The following WDR49 variants were observed in gnomAD, a reference collection of about 807,000 sequenced individuals.
WDR49 encodes the protein WD repeat domain 49, also known as cilia- and flagella-associated protein 337.
Under a neutral mutation model 119.5 loss-of-function variants are expected in WDR49, and 107 were observed. The observed-to-expected ratio is 0.90, with a 90% CI of 0.77 to 1.05. The LOEUF is 1.05. Among genes scored for constraint, WDR49 ranks in the 50% least tolerant of loss-of-function variants. The pLI, the probability that WDR49 is intolerant of heterozygous loss-of-function variation, is 0.00. For synonymous variants in WDR49, 425 were observed against 418.8 expected (o/e 1.01, Z -0.18); for missense variants, 1,240 against 1,220.5 (o/e 1.02, Z -0.24).
chr3:167,595,380 T>C (rs906160539), intron 7 of WDR49, among the ~76,000 whole-genome samples: 2 of 152,148 alleles, frequency 1.3e-5, no homozygotes, highest in African/African-American at 2.4e-5. Flanking sequence ...TTAAAGTTCA[T>C]ATGGAACCAA....
chr3:167,571,064 G>T (rs989778854), intron 8 of WDR49, among the ~76,000 whole-genome samples: 3 of 151,754 alleles, frequency 2.0e-5, no homozygotes, highest in African/African-American at 7.3e-5. Flanking sequence ...TTGCTTGTCA[G>T]TGAATGTTGA....
chr3:167,602,700 AAAT>A (rs1339386742), intron 6 of WDR49, among the ~76,000 whole-genome samples: 1 of 152,198 alleles, frequency 6.6e-6, no homozygotes, highest in Non-Finnish European at 1.5e-5. Context: ...GAAAGTTCAT[AAAT>A]TAATTAAAAA....
intron 8 of WDR49, among the ~76,000 whole-genome samples, chr3:167,570,062 ACACAGC>A (rs1713843110): frequency 1.3e-5 from 2 of 152,040 alleles, no homozygotes; most frequent in Non-Finnish European, 2.9e-5. Flanking sequence ...TGACTACAGC[ACACAGC>A]CTCAGAACTG....
Position 167,553,019 on chromosome 3 carries a change from G to A in WDR49, c.1823+1631C>T, listed in dbSNP as rs76683631. 6.0e-3 allele frequency among the ~76,000 whole-genome samples: 914 copies of A among 152,000 alleles called. 9 individuals carry two copies. The highest frequency in any genetic ancestry group is 0.02 in the African/African-American group (832 of 41,510). On this transcript the variant is annotated intron_variant, in intron 10 of 18. Transcript: ENST00000682715. ...TAAACTATTAAGGAGTTGGCTTAAC[G>A]GTCCATCCTCCTGTAACTATAACTG... is the stretch of plus-strand genomic sequence containing the variant.
chr3:167,628,297 T>C (rs920556551), intron 2 of WDR49, among the ~76,000 whole-genome samples: 3 of 152,006 alleles, frequency 2.0e-5, no homozygotes, highest in African/African-American at 7.2e-5. Context: ...CTAAAAATGA[T>C]TAGGCTTAAT....
At chr3:167,571,012 G>C (rs945784270) in intron 8 of WDR49, among the ~76,000 whole-genome samples, 1 of 145,392 alleles carries the variant, frequency 6.9e-6, no homozygotes, top group Non-Finnish European at 1.5e-5. Flanking sequence ...GCGACAGAGA[G>C]AGACTCCATC....
intron 7 of WDR49, among the ~76,000 whole-genome samples, chr3:167,579,506 CCT>C (rs1302331979): frequency 2.0e-5 from 3 of 152,138 alleles, no homozygotes; most frequent in African/African-American, 7.2e-5. Flanking sequence ...AACTACCAGC[CCT>C]TATAACAAGC....
At chr3:167,496,574 G>A (rs1006216137) in intron 18 of WDR49, among the ~76,000 whole-genome samples, 1 of 151,958 alleles carries the variant, frequency 6.6e-6, no homozygotes, top group Non-Finnish European at 1.5e-5. Context: ...CCCATAGGAT[G>A]CAGTACTTAT....
At chr3:167,582,120 A>G (rs926825885) in intron 7 of WDR49, among the ~76,000 whole-genome samples, 3 of 151,632 alleles carry the variant, frequency 2.0e-5, no homozygotes, top group Non-Finnish European at 4.4e-5. Context: ...GCTCACCGGG[A>G]GCAATCCACA....
At chr3:167,572,867 T>C (rs142356833) in intron 8 of WDR49, among the ~76,000 whole-genome samples, 1 of 152,070 alleles carries the variant, frequency 6.6e-6, no homozygotes, top group South Asian at 2.1e-4. Context: ...GAAACTGCAA[T>C]GGCGAAGAAG....
Position 167,565,673 on chromosome 3 carries a change from C to T in WDR49, c.1510-5445G>A, listed in dbSNP as rs569181161. ...AACAAAGGAAACAGCAGTGCAAAGG[C>T]CCTGAGGCACAGTGTCCTTGGCACA... is the stretch of plus-strand genomic sequence containing the variant. On this transcript the variant is annotated intron_variant, in intron 8 of 18. Transcript: ENST00000682715. Among the ~76,000 whole-genome samples, 3 of 152,138 alleles carry T rather than the reference C, an allele frequency of 2.0e-5. No individual in the cohort carries two copies. The East Asian group carries it at 5.8e-4, about 29-fold the overall frequency.
intron 11 of WDR49, among the ~76,000 whole-genome samples, chr3:167,533,393 T>C (rs527434863): frequency 6.6e-6 from 1 of 152,238 alleles, no homozygotes; most frequent in Admixed American, 6.5e-5. Context: ...AGGGTTATTG[T>C]AGAGAATGAA....
At chr3:167,655,977 C>T (rs1413808729), upstream of WDR49, among the ~76,000 whole-genome samples, 2 of 152,102 alleles carry the variant, frequency 1.3e-5, no homozygotes, top group South Asian at 2.1e-4. Flanking sequence ...GACCTGGTGC[C>T]TGCCATAAGG....
At chr3:167,550,257 G>A in intron 10 of WDR49, among the ~76,000 whole-genome samples, 1 of 152,070 alleles carries the variant, frequency 6.6e-6, no homozygotes, top group Non-Finnish European at 1.5e-5. Context: ...TGCTGGGGAG[G>A]GCATTGAATC....
chr3:167,543,110 G>A (rs1039723573), intron 10 of WDR49, among the ~76,000 whole-genome samples: 1 of 151,620 alleles, frequency 6.6e-6, no homozygotes, highest in Non-Finnish European at 1.5e-5. Flanking sequence ...TAGAAACTCT[G>A]AACAGACCAA....
chr3:167,556,570 G>A (rs965399229), intron 9 of WDR49, among the ~76,000 whole-genome samples: 1 of 152,208 alleles, frequency 6.6e-6, no homozygotes, highest in Admixed American at 6.5e-5. Context: ...ATCATGCATA[G>A]AGGTCACATT....
chr3:167,522,434 A>C lies in WDR49; in HGVS notation c.2655T>G (p.Thr885=). 1 of 1,610,652 alleles carries C rather than the reference A, an allele frequency of 6.2e-7. No individual in the cohort carries two copies. Among genetic ancestry groups the C allele is most frequent in the Non-Finnish European group, 8.5e-7 (1 of 1,179,080 alleles). ...TTTGAATCTCACTTTCCACTAAATT[A>C]GTATCTCTTTTAGGAAGGAAAAGGC... ...ENCLFLPKRD[T]NLVESEIQKE... Residue 885 remains threonine, a synonymous_variant, in exon 16 of 19, where the codon ACT becomes ACG. Transcript: ENST00000682715.
chr3:167,639,547 T>G (rs1717782627), intron 2 of WDR49, among the ~76,000 whole-genome samples: 1 of 151,820 alleles, frequency 6.6e-6, no homozygotes. Flanking sequence ...GAGATTGGAA[T>G]GTATACTCCC....
At position 167,627,268 on chromosome 3, in the gene WDR49, A is replaced by C; in HGVS notation, c.190T>G (p.Cys64Gly). ...FESPQPRKII[C>G]MSREDFTQKM... Reference sequence around the variant, plus strand: ...TGCGTGAAGTCTTCTCTGGACATACAAATGATTTTCCTTGGCTGTGGGGAC... The same window carrying C: ...TGCGTGAAGTCTTCTCTGGACATACCAATGATTTTCCTTGGCTGTGGGGAC... The change falls in exon 3 of 19, where the codon TGT becomes GGT. Residue 64 changes from cysteine to glycine, a missense_variant. Transcript: ENST00000682715. 8.1e-7 allele frequency: 1 copy of C among 1,236,362 alleles called. No homozygotes were observed. Among genetic ancestry groups the C allele is most frequent in the African/African-American group, 1.5e-5 (1 of 64,598 alleles). 76.6% of individuals were successfully genotyped at this position (1,236,362 alleles called of 1,614,324 possible).
Sources: gnomAD v4.1 joint callset for allele counts (sites outside exome capture counted in the v4.1 genomes callset) on GRCh38, gnomAD v4.1.1 for gene constraint, MANE v1.5 for transcripts, NCBI Gene and HGNC (gene_info 2026-07-23, HGNC 2026-07-21) for gene names.